PRKN: variants seen among roughly 807,000 people sequenced by gnomAD.
The protein encoded by PRKN is E3 ubiquitin-protein ligase parkin.
In PRKN, 56 loss-of-function variants were observed where a neutral mutation model predicts 59.5. The observed-to-expected ratio is 0.94, with a 90% CI of 0.76 to 1.18. The LOEUF is 1.18. PRKN is among the 50% of genes most tolerant of loss of function. The pLI is 0.00. For missense variants in PRKN, 657 were observed against 596.4 expected, an observed-to-expected ratio of 1.10 and a Z score of -1.06; for synonymous variants, 250 against 222.1, an observed-to-expected ratio of 1.13 and a Z score of -1.12.
At chr6:161,412,375 A>G (rs1380472439) in intron 9 of PRKN, among the ~76,000 whole-genome samples, 10 of 142,398 alleles carry the variant, frequency 7.0e-5, no homozygotes, top group Non-Finnish European at 1.5e-4. Context: ...CCACTCACTC[A>G]TTCCTCCACT....
chr6:162,485,729 A>G (rs1792506290), intron 1 of PRKN, among the ~76,000 whole-genome samples: 1 of 152,108 alleles, frequency 6.6e-6, no homozygotes, highest in South Asian at 2.1e-4. Flanking sequence ...TGAGTTAACT[A>G]CCCTTTGGAG....
At chr6:162,569,612 G>C in intron 1 of PRKN, 1 of 712,604 alleles carries the variant, frequency 1.4e-6, no homozygotes, top group Middle Eastern at 4.0e-4. Context: ...CTTTGGCTCT[G>C]ACATGGGCTC....
chr6:162,285,291 T>TCC (rs1554295524), intron 2 of PRKN, among the ~76,000 whole-genome samples: 1 of 140,660 alleles, frequency 7.1e-6, no homozygotes, highest in South Asian at 2.4e-4. Flanking sequence ...TTTTTTTTTT[T>TCC]CCGAGAGGGC....
At chr6:162,435,486 G>T (rs1298255180) in intron 2 of PRKN, among the ~76,000 whole-genome samples, 3 of 152,124 alleles carry the variant, frequency 2.0e-5, no homozygotes, top group Admixed American at 6.5e-5. Context: ...ATGCAAAGAG[G>T]TAAGTCATTC....
chr6:162,577,913 AG>A (rs1237784560), intron 1 of PRKN, among the ~76,000 whole-genome samples: 1 of 152,222 alleles, frequency 6.6e-6, no homozygotes, highest in Non-Finnish European at 1.5e-5. Flanking sequence ...CAGGCAATAG[AG>A]TGAGACTCTG....
At chr6:162,038,651 C>T (rs1295057366) in intron 5 of PRKN, among the ~76,000 whole-genome samples, 3 of 152,130 alleles carry the variant, frequency 2.0e-5, no homozygotes, top group Non-Finnish European at 4.4e-5. Flanking sequence ...TAGAGGAAAA[C>T]TACAGAAAAA....
At position 161,529,922 on chromosome 6, in the gene PRKN, T is replaced by C. The variant is rs1285548875; in HGVS notation, c.1083+18932A>G. Among the ~76,000 whole-genome samples, 1 of 152,172 alleles carries C rather than the reference T, an allele frequency of 6.6e-6. No homozygotes were observed. Among genetic ancestry groups the C allele is most frequent in the Non-Finnish European group, 1.5e-5 (1 of 68,028 alleles). On this transcript the variant is annotated intron_variant, in intron 9 of 11. Transcript: ENST00000366898. This position sits in a 1 kb window ranked among gnomAD's most constrained non-coding sequence, Gnocchi z 4.4. Reference sequence around the variant, plus strand: ...AGGGACCAGTTCCTTTTCCACGGCATATATAATAAAATAACACAGGAACAT... The same window carrying C: ...AGGGACCAGTTCCTTTTCCACGGCACATATAATAAAATAACACAGGAACAT...
At chr6:162,577,699 GAGA>G (rs1780618228) in intron 1 of PRKN, among the ~76,000 whole-genome samples, 1 of 152,170 alleles carries the variant, frequency 6.6e-6, no homozygotes, top group African/African-American at 2.4e-5. Context: ...GAAGCCAAGA[GAGA>G]AGGATTACTC....
rs561281425 is a variant in PRKN at position 162,380,963 on chromosome 6, C to T, written c.171+62347G>A. On this transcript the variant is annotated intron_variant, in intron 2 of 11. Coordinates refer to ENST00000366898, the MANE Select transcript of PRKN (RefSeq NM_004562.3). ...GGGAGAGTCCAGCGACCAGAGTGGC[C>T]GCCGTGGTCCAGATAAGGAAAACCG... 1.1e-4 allele frequency among the ~76,000 whole-genome samples: 17 copies of T among 152,132 alleles called. No homozygotes were observed. The South Asian group carries it at 2.1e-3, about 19-fold the overall frequency.
At chr6:162,483,190 C>G in intron 1 of PRKN, among the ~76,000 whole-genome samples, 1 of 152,154 alleles carries the variant, frequency 6.6e-6, no homozygotes, top group East Asian at 1.9e-4. Flanking sequence ...AACCCAGTCT[C>G]ACGATATTCG....
intron 1 of PRKN, among the ~76,000 whole-genome samples, chr6:162,529,793 T>C (rs905106270): frequency 2.6e-5 from 4 of 152,076 alleles, no homozygotes; most frequent in African/African-American, 9.7e-5. Flanking sequence ...ATGGTCAAGG[T>C]TGTTTTGACC....
intron 6 of PRKN, among the ~76,000 whole-genome samples, chr6:161,963,842 C>CCAGT (rs1418260964): frequency 6.6e-6 from 1 of 152,200 alleles, no homozygotes; most frequent in East Asian, 1.9e-4. Context: ...GTAGGGAGGA[C>CCAGT]CAGTCACACT....
intron 2 of PRKN, among the ~76,000 whole-genome samples, chr6:162,320,228 G>A (rs1333823591): frequency 6.6e-6 from 1 of 151,506 alleles, no homozygotes; most frequent in Non-Finnish European, 1.5e-5. Context: ...CACTTAGGTT[G>A]ATTCCATATC....
chr6:161,606,037 C>T (rs973821167), intron 7 of PRKN, among the ~76,000 whole-genome samples: 12 of 151,948 alleles, frequency 7.9e-5, no homozygotes, highest in African/African-American at 1.9e-4. Flanking sequence ...GATGGGGGTT[C>T]GAGGAAATGC....
intron 1 of PRKN, among the ~76,000 whole-genome samples, chr6:162,571,850 C>T (rs925519038): frequency 1.3e-5 from 2 of 152,108 alleles, no homozygotes; most frequent in African/African-American, 4.8e-5. Flanking sequence ...TAAGTAACTG[C>T]ACTATCAATA....
At position 161,887,276 on chromosome 6, in the gene PRKN, TA is replaced by T. The variant is rs148017596; in HGVS notation, c.734+86025del. Among the ~76,000 whole-genome samples the T allele has an allele frequency of 8.2e-3, 1,252 of 152,194 alleles. 10 individuals are homozygous for T. The highest frequency in any genetic ancestry group is 0.028 in the African/African-American group (1,170 of 41,530). On this transcript the variant is annotated intron_variant, in intron 6 of 11. Coordinates refer to ENST00000366898, the MANE Select transcript of PRKN (RefSeq NM_004562.3). ...GGTTACAGAGGTAGTACTGGAAGAG[TA>T]TTCACTCAATGTATGACTTACAAAA...
Position 161,348,499 on chromosome 6 carries a change from G to C in PRKN, c.*1600C>G. On this transcript the variant is annotated 3_prime_UTR_variant, in exon 12 of 12. Coordinates refer to ENST00000366898, the MANE Select transcript of PRKN (RefSeq NM_004562.3). This position sits in a 1 kb window ranked among gnomAD's most constrained non-coding sequence, Gnocchi z 4.9. ...CTGCTGCAGAGCCCAGTCTCTCCCC[G>C]GTGCAGGGCCTCTGAGACGACGGGA... The C allele has an allele frequency of 4.7e-6, 1 of 211,696 alleles. No homozygotes were observed. The highest frequency in any genetic ancestry group is 7.0e-5 in the East Asian group (1 of 14,238). The allele number at this position is 211,696 out of a possible 1,614,324, so 13.1% of individuals were successfully genotyped here. A position where few individuals can be genotyped will look rare whatever the true frequency, so the allele number is the denominator to read the frequency against.
In PRKN at chr6:162,280,796, CAAAAAAAAAAA is replaced by C. The variant is rs35943173; in HGVS notation, c.172-18042_172-18032del. On this transcript the variant is annotated intron_variant, in intron 2 of 11. Transcript: ENST00000366898. ...TGGGCTACAGAGTGAGACTCCATCT[CAAAAAAAAAAA>C]AAAAAAAAAAAGGCTAGAAGACGAC... Among the ~76,000 whole-genome samples, 11 of 41,352 alleles carry C rather than the reference CAAAAAAAAAAA, an allele frequency of 2.7e-4. No individual in the cohort carries two copies. The East Asian group carries it at 8.8e-3, about 33-fold the overall frequency. The allele number at this position is 41,352 out of a possible 152,430, so 27.1% of individuals were successfully genotyped here.
intron 4 of PRKN, among the ~76,000 whole-genome samples, chr6:162,067,641 CATG>C (rs1274819872): frequency 6.6e-6 from 1 of 152,204 alleles, no homozygotes; most frequent in Non-Finnish European, 1.5e-5. Context: ...GCGACATGCA[CATG>C]ATGACTTAGC....
Sources: allele counts gnomAD v4.1 joint callset (sites outside exome capture counted in the v4.1 genomes callset), GRCh38; gene constraint gnomAD v4.1.1; non-coding constraint Gnocchi (gnomAD v3.1); transcripts MANE v1.5; gene names NCBI Gene and HGNC (gene_info 2026-07-23, HGNC 2026-07-21).